The following LARGE1 variants were observed in gnomAD, a reference collection of about 807,000 sequenced individuals.
LARGE1 encodes the protein LARGE xylosyl- and glucuronyltransferase 1.
LARGE1 carries 43 observed loss-of-function variants against 87.6 expected under a neutral mutation model. The ratio of observed to expected loss-of-function variants is 0.49; its 90% CI spans 0.38 to 0.63. LARGE1 has a LOEUF of 0.63. Among genes scored for constraint, LARGE1 ranks in the 30% least tolerant of loss-of-function variants. LARGE1 has a pLI of 0.00. For missense variants in LARGE1, 802 were observed against 1,000.2 expected (o/e 0.80, Z 2.67); for synonymous variants, 434 against 394.6 (o/e 1.10, Z -1.18).
At chr22:33,853,446 G>A (rs1009385) in intron 1 of LARGE1, among the ~76,000 whole-genome samples, 34,084 of 152,068 alleles carry the variant, frequency 0.22, 3,983 homozygotes, top group Admixed American at 0.35. Flanking sequence ...CAAAACAGGG[G>A]AAGAGGAGGA....
the LARGE1 span, among the ~76,000 whole-genome samples, chr22:33,089,400 T>TAC: frequency 1.6e-5 from 2 of 128,704 alleles, no homozygotes; most frequent in Middle Eastern, 3.8e-3. Flanking sequence ...CTTCTTCTTC[T>TAC]TTCTTCTTCT....
At chr22:33,719,535 T>TTTATTTA (rs1569402018) in intron 2 of LARGE1, among the ~76,000 whole-genome samples, 15 of 101,998 alleles carry the variant, frequency 1.5e-4, no homozygotes, top group Admixed American at 5.9e-4. Context: ...TTATTTATTT[T>TTTATTTA]TTTGAGACAG....
At chr22:33,315,999 G>A in intron 11 of LARGE1, 86 bp downstream of exon 11, 1 of 1,451,544 alleles carries the variant, frequency 6.9e-7, no homozygotes, top group Non-Finnish European at 9.5e-7. Context: ...GATGCACTGG[G>A]AAGCAGGCAC....
the LARGE1 span, among the ~76,000 whole-genome samples, chr22:33,149,019 T>A: frequency 1.3e-5 from 2 of 151,412 alleles, no homozygotes; most frequent in South Asian, 4.2e-4. Context: ...GTTTATGGCT[T>A]CATTTTTGTT....
chr22:33,515,677 G>A (rs975094463), intron 6 of LARGE1, among the ~76,000 whole-genome samples: 1 of 152,156 alleles, frequency 6.6e-6, no homozygotes, highest in Non-Finnish European at 1.5e-5. Context: ...CCCAGGCAGG[G>A]GAGGCAGTAG....
chr22:33,434,687 G>A (rs2067201600), intron 6 of LARGE1, among the ~76,000 whole-genome samples: 1 of 152,138 alleles, frequency 6.6e-6, no homozygotes, highest in Non-Finnish European at 1.5e-5. Flanking sequence ...ATTTTATATG[G>A]TGGCATCCCA....
intron 10 of LARGE1, among the ~76,000 whole-genome samples, chr22:33,328,504 G>T (rs554453835): frequency 2.6e-5 from 4 of 151,876 alleles, no homozygotes; most frequent in Non-Finnish European, 5.9e-5. Context: ...GCTTGAACCC[G>T]GGAGGCGGAG....
At chr22:33,133,662 T>C in the LARGE1 span, among the ~76,000 whole-genome samples, 1 of 152,238 alleles carries the variant, frequency 6.6e-6, no homozygotes, top group East Asian at 1.9e-4. Context: ...GTCTTTATCG[T>C]AGAATGATTT....
chr22:33,628,302 A>C (rs1358688699), intron 3 of LARGE1, among the ~76,000 whole-genome samples: 2 of 146,702 alleles, frequency 1.4e-5, no homozygotes. Flanking sequence ...TTGAATTCTG[A>C]AACAGACTGT....
At chr22:33,183,342 G>A (rs531246726) in intron 11 of LARGE1, among the ~76,000 whole-genome samples, 9 of 152,122 alleles carry the variant, frequency 5.9e-5, no homozygotes, top group Middle Eastern at 3.4e-3. Flanking sequence ...TGGTAGCAGC[G>A]GTGTGAAGAA....
At chr22:33,096,245 G>A in the LARGE1 span, among the ~76,000 whole-genome samples, 1 of 151,814 alleles carries the variant, frequency 6.6e-6, no homozygotes, top group Non-Finnish European at 1.5e-5. Flanking sequence ...GTAAAATCCC[G>A]TCTCTACTAA....
chr22:33,419,336 A>G (rs1380273416), intron 7 of LARGE1, among the ~76,000 whole-genome samples: 1 of 151,956 alleles, frequency 6.6e-6, no homozygotes, highest in East Asian at 1.9e-4. Context: ...GGGCCTGACC[A>G]TATCAACCAC....
intron 5 of LARGE1, among the ~76,000 whole-genome samples, chr22:33,571,468 G>C (rs1182501888): frequency 6.6e-6 from 1 of 152,124 alleles, no homozygotes; most frequent in Non-Finnish European, 1.5e-5. Context: ...AAAACACAGG[G>C]GATGGAGGAA....
chr22:33,215,095 T>A (rs541722477), intron 11 of LARGE1, among the ~76,000 whole-genome samples: 2 of 152,308 alleles, frequency 1.3e-5, no homozygotes, highest in Admixed American at 1.3e-4. Context: ...AGAACCTGGC[T>A]TTCTTCTAGC....
intron 2 of LARGE1, among the ~76,000 whole-genome samples, chr22:33,760,450 C>T (rs1202686403): frequency 1.3e-5 from 2 of 152,130 alleles, no homozygotes; most frequent in African/African-American, 2.4e-5. Flanking sequence ...CATCCCCAGC[C>T]CAGGTCTGAC....
intron 5 of LARGE1, among the ~76,000 whole-genome samples, chr22:33,601,267 G>A (rs919030718): frequency 2.0e-5 from 3 of 152,190 alleles, no homozygotes; most frequent in East Asian, 3.8e-4. Context: ...ACTTGCCATT[G>A]TGCTGGGGAA....
intron 11 of LARGE1, among the ~76,000 whole-genome samples, chr22:33,304,760 C>T (rs899793955): frequency 6.6e-6 from 1 of 152,180 alleles, no homozygotes; most frequent in African/African-American, 2.4e-5. Context: ...AAGCCTTGGA[C>T]TCCTCGTTTC....
intron 11 of LARGE1, among the ~76,000 whole-genome samples, chr22:33,215,472 C>T (rs1359640090): frequency 6.6e-6 from 1 of 152,102 alleles, no homozygotes; most frequent in Non-Finnish European, 1.5e-5. Context: ...TAAATATTGA[C>T]CTTAATTATT....
intron 1 of LARGE1, among the ~76,000 whole-genome samples, chr22:33,801,638 A>T (rs2086163537): frequency 6.6e-6 from 1 of 152,174 alleles, no homozygotes. Context: ...CATTTCTCCC[A>T]GTCAGTGGCG....
Sources: gnomAD v4.1 joint callset for allele counts (sites outside exome capture counted in the v4.1 genomes callset) on GRCh38, gnomAD v4.1.1 for gene constraint, MANE v1.5 for transcripts, NCBI Gene and HGNC (gene_info 2026-07-23, HGNC 2026-07-21) for gene names.